The following ASXL2 variants were observed in gnomAD, a reference collection of about 807,000 sequenced individuals.
ASXL2 encodes ASXL transcriptional regulator 2.
A neutral mutation model predicts 122.0 loss-of-function variants in ASXL2; 23 were observed. That is an observed-to-expected ratio of 0.19 (90% CI 0.14 to 0.27). The LOEUF (loss-of-function observed/expected upper bound fraction) is 0.27, where lower values mean the gene tolerates loss of function less well. Among genes scored for constraint, ASXL2 ranks in the 10% least tolerant of loss-of-function variants. ASXL2 has a pLI of 1.00. For missense variants in ASXL2, 1,518 were observed against 1,713.8 expected (o/e 0.89, Z 2.02); for synonymous variants, 650 against 637.0 (o/e 1.02, Z -0.31).
At chr2:25,778,017 T>C (rs1336654151) in intron 5 of ASXL2, among the ~76,000 whole-genome samples, 1 of 152,236 alleles carries the variant, frequency 6.6e-6, no homozygotes, top group Non-Finnish European at 1.5e-5. Flanking sequence ...GGAAATTTAA[T>C]TAGTTTGCCA....
intron 9 of ASXL2, among the ~76,000 whole-genome samples, chr2:25,757,636 A>G (rs975241901): frequency 3.6e-5 from 5 of 138,816 alleles, no homozygotes; most frequent in African/African-American, 1.4e-4. Context: ...GATCGAGCCA[A>G]TGCACTCCAG....
At chr2:25,836,292 A>G (rs918944156) in intron 2 of ASXL2, among the ~76,000 whole-genome samples, 2 of 152,226 alleles carry the variant, frequency 1.3e-5, no homozygotes, top group Admixed American at 6.5e-5. Context: ...CTCCAACCTT[A>G]GATATATTAT....
chr2:25,830,923 A>T (rs539306256), intron 3 of ASXL2: 1 of 152,268 alleles, frequency 6.6e-6, no homozygotes, highest in Admixed American at 6.5e-5. Context: ...CACCAAAAAA[A>T]TTAACAGAAT....
At chr2:25,838,627 G>T (rs1299867085) in intron 2 of ASXL2, among the ~76,000 whole-genome samples, 1 of 152,092 alleles carries the variant, frequency 6.6e-6, no homozygotes, top group Non-Finnish European at 1.5e-5. Context: ...AAGAAATATG[G>T]GCACAAGTCG....
Position 25,749,746 on chromosome 2 carries a change from A to C in ASXL2, c.1810T>G (p.Phe604Val). ...QQPFQVSPQP[F>V]LNRGDRIQVR... The stretch of plus-strand genomic sequence containing the variant: ...TGGATTCTGTCCCCTCTATTGAGAA[A>C]GGGCTGTGGTGAGACCTGAAATGGC... The change falls in exon 12 of 13, where the codon TTT (phenylalanine) becomes GTT (valine). Residue 604 changes from phenylalanine (F) to valine (V), a missense_variant. This residue lies in a region of ASXL2 where 292 missense variants were observed against 293.5 expected (regional missense o/e 1.00). Coordinates refer to ENST00000435504, the MANE Select transcript of ASXL2 (RefSeq NM_018263.6). The C allele has an allele frequency of 1.3e-6, 2 of 1,561,594 alleles. No homozygotes were observed. Among genetic ancestry groups the C allele is most frequent in the Non-Finnish European group, 1.7e-6 (2 of 1,160,836 alleles).
chr2:25,878,345 C>G lies in ASXL2; in HGVS notation c.-123G>C, dbSNP rs2090028030. ...AGGTGGGAGAAAAGGGAAGTCAGACCGGGGGGGCACCCAAGCAGAGGAAGC... is the reference window on the plus strand; with the variant it reads ...AGGTGGGAGAAAAGGGAAGTCAGACGGGGGGGGCACCCAAGCAGAGGAAGC... On this transcript the variant is annotated 5_prime_UTR_variant, in exon 1 of 13. Coordinates refer to ENST00000435504, the MANE Select transcript of ASXL2 (RefSeq NM_018263.6). 3 of 874,384 alleles carry G rather than the reference C, an allele frequency of 3.4e-6. No individual in the cohort carries two copies. Among genetic ancestry groups the G allele is most frequent in the African/African-American group, 1.7e-5 (1 of 58,442 alleles). 54.2% of individuals were successfully genotyped at this position (874,384 alleles called of 1,614,324 possible). A position where few individuals can be genotyped will look rare whatever the true frequency, so the allele number is the denominator to read the frequency against.
rs754750242 is a variant in ASXL2 at position 25,878,247 on chromosome 2, G to A, written c.-25C>T. ...TGTCGGGTCTTGAACTGACTGGGAG[G>A]CTCCCGTGTCCGGGCTCCGGCCGCC... On this transcript the variant is annotated 5_prime_UTR_variant, in exon 1 of 13. Transcript: ENST00000435504. The A allele has an allele frequency of 1.9e-6, 3 of 1,612,798 alleles. No homozygotes were observed. The highest frequency in any genetic ancestry group is 1.1e-5 in the South Asian group (1 of 91,032).
chr2:25,771,306 T>C, intron 6 of ASXL2, 134 bp downstream of exon 6: 1 of 659,846 alleles, frequency 1.5e-6, no homozygotes, highest in South Asian at 2.3e-5. Context: ...AAAACCACAT[T>C]GGGCTACTGC....
At chr2:25,810,044 G>C (rs1448417988) in intron 3 of ASXL2, 1 of 552,020 alleles carries the variant, frequency 1.8e-6, no homozygotes, top group Admixed American at 1.9e-5. Flanking sequence ...CTTGGCTACC[G>C]ATCTCTCAGC....
At chr2:25,810,162 T>C (rs532461117) in intron 3 of ASXL2, 41 of 568,664 alleles carry the variant, frequency 7.2e-5, no homozygotes, top group South Asian at 5.0e-4. Flanking sequence ...ACTCAGACAC[T>C]TCAGGTTATG....
intron 3 of ASXL2, among the ~76,000 whole-genome samples, chr2:25,826,995 ATTTTTTT>A (rs34208753): frequency 5.5e-5 from 7 of 127,358 alleles, no homozygotes; most frequent in South Asian, 4.9e-4. Flanking sequence ...ACAGCTAATA[ATTTTTTT>A]TTTTTTTTTT....
intron 2 of ASXL2, among the ~76,000 whole-genome samples, chr2:25,839,430 C>T (rs1015523265): frequency 6.6e-6 from 1 of 152,038 alleles, no homozygotes; most frequent in Non-Finnish European, 1.5e-5. Context: ...CTTGTTTTAA[C>T]TGTTACAAAA....
Position 25,741,532 on chromosome 2 carries a change from T to A in ASXL2, c.*497A>T, listed in dbSNP as rs1448646771. The A allele has an allele frequency of 1.3e-5, 3 of 231,162 alleles. No homozygotes were observed. In the East Asian group the frequency reaches 1.9e-4, roughly 14 times the overall value. The allele number at this position is 231,162 out of a possible 1,614,324, so 14.3% of individuals were successfully genotyped here. A position where few individuals can be genotyped will look rare whatever the true frequency, so the allele number is the denominator to read the frequency against. On this transcript the variant is annotated 3_prime_UTR_variant, in exon 13 of 13. Coordinates refer to ENST00000435504, the MANE Select transcript of ASXL2 (RefSeq NM_018263.6). The stretch of plus-strand genomic sequence containing the variant: ...GAATCCAAGTCCTGCAAAGGCTGAA[T>A]AATCTATGAATAACCTGCGGCCAGA...
chr2:25,744,300 T>TGCGGCG lies in ASXL2; in HGVS notation c.2031_2036dup (p.Ala683_Ala684dup), dbSNP rs764128572. On this transcript the variant is annotated inframe_insertion, in exon 13 of 13. Transcript: ENST00000435504. This position sits in a 1 kb window ranked among gnomAD's most constrained non-coding sequence, Gnocchi z 4.7. ...CTCCAACTGAGGCGGCTGCAGCAGC[T>TGCGGCG]GCGGCGGCAGCGGCAGCTGCTGCCC... The TGCGGCG allele has an allele frequency of 1.4e-4, 221 of 1,611,446 alleles. No individual in the cohort carries two copies. The highest frequency in any genetic ancestry group is 9.9e-4 in the Middle Eastern group (6 of 6,046).
chr2:25,776,219 A>G (rs2088544139), intron 5 of ASXL2, among the ~76,000 whole-genome samples: 1 of 152,146 alleles, frequency 6.6e-6, no homozygotes, highest in South Asian at 2.1e-4. Context: ...TTTTGTCTCT[A>G]TAAATTTGCC....
intron 3 of ASXL2, among the ~76,000 whole-genome samples, chr2:25,828,936 T>A (rs1403432418): frequency 6.6e-6 from 1 of 151,860 alleles, no homozygotes; most frequent in Non-Finnish European, 1.5e-5. Context: ...TATCACTAAT[T>A]AGATATGTAA....
intron 3 of ASXL2, among the ~76,000 whole-genome samples, chr2:25,808,560 G>GACCTCAGGTGATCTGCCC (rs2089117792): frequency 6.6e-6 from 1 of 152,308 alleles, no homozygotes; most frequent in East Asian, 1.9e-4. Context: ...TCGAACTCCT[G>GACCTCAGGTGATCTGCCC]ACCTCAGGTG....
At chr2:25,837,953 C>CAAAAAAAAAAAAA (rs34490545) in intron 2 of ASXL2, among the ~76,000 whole-genome samples, 1 of 65,382 alleles carries the variant, frequency 1.5e-5, no homozygotes. Context: ...CCTGTCTCTA[C>CAAAAAAAAAAAAA]AAAAAAAAAA....
At chr2:25,780,718 G>T (rs1214293957) in intron 5 of ASXL2, among the ~76,000 whole-genome samples, 3 of 152,116 alleles carry the variant, frequency 2.0e-5, no homozygotes, top group South Asian at 4.1e-4. Context: ...GAGTTTGCCA[G>T]ACTAAAAGAT....
Sources: allele counts gnomAD v4.1 joint callset (sites outside exome capture counted in the v4.1 genomes callset), GRCh38; gene constraint gnomAD v4.1.1; regional missense constraint gnomAD v4.1.1; non-coding constraint Gnocchi (gnomAD v3.1); transcripts MANE v1.5; gene names NCBI Gene and HGNC (gene_info 2026-07-23, HGNC 2026-07-21).